The following LINGO2 variants were observed in gnomAD, a reference collection of about 807,000 sequenced individuals.
LINGO2 encodes leucine-rich repeat and immunoglobulin-like domain-containing nogo receptor-interacting protein 2.
In LINGO2, 14 loss-of-function variants were observed where a neutral mutation model predicts 30.6. The ratio of observed to expected loss-of-function variants is 0.46; its 90% CI spans 0.30 to 0.72. The LOEUF is 0.72. Among genes scored for constraint, LINGO2 ranks in the 30% least tolerant of loss-of-function variants. LINGO2 has a pLI of 0.07. For synonymous variants in LINGO2, 317 were observed against 288.5 expected (o/e 1.10, Z -1.00); for missense variants, 729 against 751.7 (o/e 0.97, Z 0.35).
the LINGO2 span, among the ~76,000 whole-genome samples, chr9:28,916,529 C>T: frequency 6.6e-6 from 1 of 152,204 alleles, no homozygotes; most frequent in Non-Finnish European, 1.5e-5. Context: ...TTTAGATAAA[C>T]TCTTTCAACC....
At chr9:28,721,112 A>G in the LINGO2 span, among the ~76,000 whole-genome samples, 1 of 152,178 alleles carries the variant, frequency 6.6e-6, no homozygotes, top group Non-Finnish European at 1.5e-5. Context: ...AATCAAAACC[A>G]CAATGAGATA....
At chr9:28,273,382 A>G (rs1398449877) in intron 4 of LINGO2, among the ~76,000 whole-genome samples, 2 of 152,240 alleles carry the variant, frequency 1.3e-5, no homozygotes, top group Non-Finnish European at 2.9e-5. Flanking sequence ...GAATAGAGCT[A>G]AAATTTACTG....
At chr9:29,139,844 G>C in the LINGO2 span, among the ~76,000 whole-genome samples, 1 of 151,986 alleles carries the variant, frequency 6.6e-6, no homozygotes, top group African/African-American at 2.4e-5. Flanking sequence ...TTTCTGTCTT[G>C]CCTGTGTGAG....
At chr9:28,923,066 G>A in the LINGO2 span, among the ~76,000 whole-genome samples, 1 of 152,118 alleles carries the variant, frequency 6.6e-6, no homozygotes, top group Non-Finnish European at 1.5e-5. Context: ...AAAGAAATGC[G>A]GCACTAGAAA....
the LINGO2 span, among the ~76,000 whole-genome samples, chr9:29,055,366 G>A: frequency 3.3e-5 from 5 of 152,154 alleles, no homozygotes; most frequent in African/African-American, 1.2e-4. Context: ...TCATGTTATT[G>A]CATATGGCAG....
At chr9:28,281,283 C>T (rs887998124) in intron 4 of LINGO2, among the ~76,000 whole-genome samples, 2 of 151,808 alleles carry the variant, frequency 1.3e-5, no homozygotes, top group African/African-American at 2.4e-5. Context: ...AAACTACTTC[C>T]AATATTTTAA....
chr9:28,680,910 CATT>C, the LINGO2 span, among the ~76,000 whole-genome samples: 1 of 151,870 alleles, frequency 6.6e-6, no homozygotes, highest in Admixed American at 6.6e-5. Flanking sequence ...TTACTCTGTT[CATT>C]GTTTCCTTGG....
At chr9:28,376,387 C>T (rs1278196316) in intron 2 of LINGO2, among the ~76,000 whole-genome samples, 3 of 152,116 alleles carry the variant, frequency 2.0e-5, no homozygotes, top group African/African-American at 7.2e-5. Context: ...GCAACCTATT[C>T]GGATTCTGGA....
chr9:28,455,617 T>C (rs1008122133), intron 2 of LINGO2, among the ~76,000 whole-genome samples: 1 of 152,072 alleles, frequency 6.6e-6, no homozygotes, highest in African/African-American at 2.4e-5. Flanking sequence ...TGAAGAGCAA[T>C]GTATTTAATT....
chr9:28,052,463 T>G (rs77525850), intron 4 of LINGO2, among the ~76,000 whole-genome samples: 27,153 of 151,950 alleles, frequency 0.18, 3,171 homozygotes, highest in Admixed American at 0.25. Context: ...GGACTTCTGG[T>G]TTTCACTATT....
the LINGO2 span, among the ~76,000 whole-genome samples, chr9:28,943,586 T>G: frequency 6.6e-6 from 1 of 152,232 alleles, no homozygotes; most frequent in Non-Finnish European, 1.5e-5. Context: ...GCAAGGACTC[T>G]GAAGTTCGTC....
the LINGO2 span, among the ~76,000 whole-genome samples, chr9:29,079,590 T>C: frequency 6.6e-5 from 10 of 151,816 alleles, no homozygotes; most frequent in East Asian, 3.9e-4. Flanking sequence ...GAGAAGCCTA[T>C]GGAAAATATT....
At chr9:29,154,539 A>C in the LINGO2 span, among the ~76,000 whole-genome samples, 6 of 152,052 alleles carry the variant, frequency 3.9e-5, no homozygotes, top group African/African-American at 1.4e-4. Flanking sequence ...TAAAAGGGGA[A>C]GCGCTATACT....
chr9:28,657,609 T>C (rs529188283), intron 1 of LINGO2, among the ~76,000 whole-genome samples: 40 of 152,158 alleles, frequency 2.6e-4, no homozygotes, highest in African/African-American at 8.9e-4. Flanking sequence ...ATTCCCTCTT[T>C]TATTTCTAAT....
the LINGO2 span, among the ~76,000 whole-genome samples, chr9:28,840,489 C>T: frequency 6.6e-6 from 1 of 151,848 alleles, no homozygotes; most frequent in African/African-American, 2.4e-5. Flanking sequence ...ACAACATCCC[C>T]TCCACTGACT....
chr9:28,354,373 G>T (rs1820070605), intron 3 of LINGO2, among the ~76,000 whole-genome samples: 1 of 152,058 alleles, frequency 6.6e-6, no homozygotes, highest in African/African-American at 2.4e-5. Context: ...AAGCAAATAT[G>T]ACATAAGCTA....
the LINGO2 span, among the ~76,000 whole-genome samples, chr9:28,777,948 C>T: frequency 1.3e-5 from 2 of 152,154 alleles, no homozygotes; most frequent in Non-Finnish European, 2.9e-5. Flanking sequence ...CTTCTTGCTA[C>T]ATTAGAGAGC....
chr9:29,055,938 G>GTATATATATATT, the LINGO2 span, among the ~76,000 whole-genome samples: 1 of 99,818 alleles, frequency 1.0e-5, no homozygotes, highest in African/African-American at 4.1e-5. Context: ...GTATGTGTGT[G>GTATATATATATT]TGTATATATA....
chr9:28,481,588 C>A (rs1046546913), intron 1 of LINGO2, among the ~76,000 whole-genome samples: 1 of 151,862 alleles, frequency 6.6e-6, no homozygotes, highest in Non-Finnish European at 1.5e-5. Context: ...TGCTGTCGCC[C>A]TCCTCTGTGT....
Sources: gnomAD v4.1 joint callset for allele counts (sites outside exome capture counted in the v4.1 genomes callset) on GRCh38, gnomAD v4.1.1 for gene constraint, MANE v1.5 for transcripts, NCBI Gene and HGNC (gene_info 2026-07-23, HGNC 2026-07-21) for gene names.